Variants in DDR2 observed in about 807,000 individuals in gnomAD.
DDR2 encodes discoidin domain-containing receptor 2.
DDR2 carries 27 observed loss-of-function variants against 94.9 expected under a neutral mutation model. The observed-to-expected ratio is 0.28, with a 90% CI of 0.21 to 0.39. DDR2 has a LOEUF of 0.39. Ranked by LOEUF, DDR2 falls within the 10% of genes least tolerant of loss-of-function variation. The pLI is 1.00. For synonymous variants in DDR2, 382 were observed against 377.2 expected, an observed-to-expected ratio of 1.01 and a Z score of -0.15; for missense variants, 783 against 1,076.0, an observed-to-expected ratio of 0.73 and a Z score of 3.81.
At chr1:162,728,299 T>C (rs1661824102) in intron 3 of DDR2, among the ~76,000 whole-genome samples, 1 of 151,144 alleles carries the variant, frequency 6.6e-6, no homozygotes, top group South Asian at 2.1e-4. Flanking sequence ...CCCAATCAGG[T>C]CAAATCTCCA....
intron 1 of DDR2, among the ~76,000 whole-genome samples, chr1:162,632,906 A>G (rs1483647913): frequency 6.6e-6 from 1 of 152,244 alleles, no homozygotes; most frequent in Non-Finnish European, 1.5e-5. Context: ...AGCAGCTGCA[A>G]GATACAATAA....
chr1:162,729,292 A>ATT (rs1302068654), intron 3 of DDR2, among the ~76,000 whole-genome samples: 75 of 23,810 alleles, frequency 3.1e-3, no homozygotes, highest in Middle Eastern at 0.017. Flanking sequence ...ATATATATAT[A>ATT]TATATATATT....
chr1:162,760,052 T>G, intron 8 of DDR2, 73 bp downstream of exon 8: 2 of 1,595,614 alleles, frequency 1.3e-6, no homozygotes, highest in Non-Finnish European at 1.7e-6. Context: ...AAAGGCATGC[T>G]AGAAAAAAGT....
At chr1:162,763,320 C>T (rs569674654) in intron 9 of DDR2, among the ~76,000 whole-genome samples, 1 of 130,096 alleles carries the variant, frequency 7.7e-6, no homozygotes, top group South Asian at 2.5e-4. Flanking sequence ...TTACAGGTGC[C>T]TGCTACCACG....
intron 12 of DDR2, chr1:162,770,790 A>C (rs1430058641): frequency 1.6e-5 from 8 of 485,806 alleles, no homozygotes; most frequent in Non-Finnish European, 3.1e-5. Flanking sequence ...ACACCAGAAG[A>C]ACCTAAACAG....
At chr1:162,758,585 A>G (rs1463680631) in intron 7 of DDR2, among the ~76,000 whole-genome samples, 1 of 152,198 alleles carries the variant, frequency 6.6e-6, no homozygotes, top group Non-Finnish European at 1.5e-5. Context: ...TCTGATCTGT[A>G]GAGAGAAGAA....
At chr1:162,646,395 T>G (rs747718009) in intron 1 of DDR2, among the ~76,000 whole-genome samples, 1 of 152,144 alleles carries the variant, frequency 6.6e-6, no homozygotes, top group Non-Finnish European at 1.5e-5. Context: ...GAGTAATGAG[T>G]GTTTATTATG....
At chr1:162,767,893 T>C (rs1664079041) in intron 11 of DDR2, among the ~76,000 whole-genome samples, 1 of 151,992 alleles carries the variant, frequency 6.6e-6, no homozygotes, top group Non-Finnish European at 1.5e-5. Flanking sequence ...TATTTCTACT[T>C]TTGTGTACTT....
Position 162,754,652 on chromosome 1 carries a change from T to A in DDR2, c.214T>A (p.Trp72Arg). Residue 72 changes from tryptophan (W) to arginine (R), a missense_variant, in exon 5 of 18, where the codon TGG becomes AGG. Trp to Arg is a moderately radical substitution (Grantham distance 101, BLOSUM62 -3). Transcript: ENST00000367921. ...RLDSEEGDGA[W>R]CPEIPVEPDD... ...GGACTCAGAAGAAGGGGATGGAGCC[T>A]GGTGCCCTGAGATTCCAGTGGAACC... 1 of 1,614,124 alleles carries A rather than the reference T, an allele frequency of 6.2e-7. No individual in the cohort carries two copies. Among genetic ancestry groups the A allele is most frequent in the South Asian group, 1.1e-5 (1 of 91,080 alleles).
intron 2 of DDR2, among the ~76,000 whole-genome samples, chr1:162,673,592 TGTATGTGTGTGTGTGTGAGAGA>T (rs1218482799): frequency 0.015 from 1,981 of 134,122 alleles, 47 homozygotes; most frequent in African/African-American, 0.056. Context: ...TGTGTGTGTG[TGTATGTGTGTGTGTGTGAGAGA>T]GAGAGAGAGA....
intron 2 of DDR2, among the ~76,000 whole-genome samples, chr1:162,697,968 T>C (rs1356740568): frequency 6.6e-6 from 1 of 152,218 alleles, no homozygotes; most frequent in Non-Finnish European, 1.5e-5. Flanking sequence ...CTAGAGTTTT[T>C]CATTTCTAAC....
At chr1:162,692,831 C>T (rs1193848982) in intron 2 of DDR2, among the ~76,000 whole-genome samples, 1 of 152,152 alleles carries the variant, frequency 6.6e-6, no homozygotes, top group Non-Finnish European at 1.5e-5. Flanking sequence ...AGCTATAATC[C>T]AATGAAAATG....
At chr1:162,696,276 C>T (rs149900065) in intron 2 of DDR2, among the ~76,000 whole-genome samples, 49 of 149,482 alleles carry the variant, frequency 3.3e-4, no homozygotes, top group African/African-American at 1.1e-3. Context: ...ATAAAAGGAT[C>T]GTCTCTAAAT....
chr1:162,651,247 C>T (rs888251004), intron 1 of DDR2, among the ~76,000 whole-genome samples: 2 of 152,172 alleles, frequency 1.3e-5, no homozygotes, highest in South Asian at 2.1e-4. Context: ...TGGAGCCCTG[C>T]GTTTTCCCAC....
intron 2 of DDR2, among the ~76,000 whole-genome samples, chr1:162,698,218 G>T (rs4411113): frequency 0.6 from 90,630 of 152,050 alleles, 30,591 homozygotes; most frequent in Middle Eastern, 0.79. Flanking sequence ...TCAGACAAAT[G>T]GCAATGCTCT....
At chr1:162,737,111 TC>T (rs1174310690) in intron 3 of DDR2, among the ~76,000 whole-genome samples, 2 of 151,028 alleles carry the variant, frequency 1.3e-5, no homozygotes, top group Admixed American at 6.6e-5. Context: ...TTTTTTCGTT[TC>T]TTTTTTTTTA....
intron 8 of DDR2, 98 bp downstream of exon 8, chr1:162,760,077 G>A: frequency 1.3e-6 from 2 of 1,486,242 alleles, no homozygotes; most frequent in South Asian, 2.3e-5. Context: ...GCTGATGCCA[G>A]TTCAATGACA....
At chr1:162,743,607 T>A (rs2102094188) in intron 3 of DDR2, among the ~76,000 whole-genome samples, 1 of 152,286 alleles carries the variant, frequency 6.6e-6, no homozygotes, top group East Asian at 1.9e-4. Flanking sequence ...CTAGGGTGAA[T>A]GAACATAAAG....
Position 162,741,187 on chromosome 1 carries a change from C to T in DDR2, c.83-11908C>T, listed in dbSNP as rs373786019. ...TATAATATAATATAATATAATATAA[C>T]ATAACATAATACAATACAATACAAT... On this transcript the variant is annotated intron_variant, in intron 3 of 17. Coordinates refer to ENST00000367921, the MANE Select transcript of DDR2 (RefSeq NM_006182.4). 3.5e-3 allele frequency among the ~76,000 whole-genome samples: 366 copies of T among 104,410 alleles called. 4 individuals carry two copies. The highest frequency in any genetic ancestry group is 0.013 in the African/African-American group (346 of 26,456). The allele number at this position is 104,410 out of a possible 152,430, so 68.5% of individuals were successfully genotyped here.
Sources: allele counts gnomAD v4.1 joint callset (sites outside exome capture counted in the v4.1 genomes callset), GRCh38; gene constraint gnomAD v4.1.1; transcripts MANE v1.5; gene names NCBI Gene and HGNC (gene_info 2026-07-23, HGNC 2026-07-21).